Variants in PRMT3 observed in about 807,000 individuals in gnomAD.
PRMT3 encodes the protein protein arginine N-methyltransferase 3.
In PRMT3, 62 loss-of-function variants were observed where a neutral mutation model predicts 71.9. The ratio of observed to expected loss-of-function variants is 0.86; its 90% confidence interval spans 0.70 to 1.07. The LOEUF is 1.07. PRMT3 is among the 50% of genes least tolerant of loss of function. PRMT3 has a pLI of 0.00. For missense variants in PRMT3, 663 were observed against 643.0 expected (o/e 1.03, Z -0.34); for synonymous variants, 213 against 220.4 (o/e 0.97, Z 0.30).
At chr11:20,414,295 C>T (rs778260461) in intron 9 of PRMT3, among the ~76,000 whole-genome samples, 1 of 152,108 alleles carries the variant, frequency 6.6e-6, no homozygotes, top group Non-Finnish European at 1.5e-5. Context: ...TTGGTTGTTA[C>T]TGTAAACTGA....
chr11:20,452,080 T>TGA, intron 10 of PRMT3, 50 bp from the exon 11 acceptor site: 1 of 1,336,810 alleles, frequency 7.5e-7, no homozygotes, highest in Non-Finnish European at 1.1e-6. Flanking sequence ...GACCTGCTTA[T>TGA]GAGAGTATTG....
intron 11 of PRMT3, among the ~76,000 whole-genome samples, chr11:20,456,132 G>T (rs1243345785): frequency 1.3e-5 from 2 of 152,134 alleles, no homozygotes; most frequent in African/African-American, 4.8e-5. Flanking sequence ...TTCAATTTCT[G>T]TCACAACAGA....
chr11:20,505,550 TTC>T (rs1293946781), intron 15 of PRMT3, among the ~76,000 whole-genome samples: 1 of 152,232 alleles, frequency 6.6e-6, no homozygotes, highest in Non-Finnish European at 1.5e-5. Flanking sequence ...GCAATTACTA[TTC>T]TCTGTCATGT....
chr11:20,391,049 CAAA>C (rs57575758), intron 3 of PRMT3, among the ~76,000 whole-genome samples: 2 of 144,448 alleles, frequency 1.4e-5, no homozygotes, highest in Non-Finnish European at 1.5e-5. Context: ...GACGCCGTCT[CAAA>C]AAAAAAAAAA....
At chr11:20,455,354 G>C (rs1450539808) in intron 11 of PRMT3, among the ~76,000 whole-genome samples, 2 of 152,042 alleles carry the variant, frequency 1.3e-5, no homozygotes, top group African/African-American at 4.8e-5. Flanking sequence ...TAAAGCTGAT[G>C]GATCAAGTAG....
intron 2 of PRMT3, 89 bp from the exon 3 acceptor site, chr11:20,389,653 TAA>T (rs56308542): frequency 9.7e-4 from 639 of 661,574 alleles, no homozygotes; most frequent in East Asian, 5.1e-3. Flanking sequence ...CCAGCAGAGT[TAA>T]AAAAAAAAAA....
intron 13 of PRMT3, among the ~76,000 whole-genome samples, chr11:20,477,077 G>C (rs1042575926): frequency 6.6e-5 from 10 of 152,180 alleles, no homozygotes; most frequent in African/African-American, 2.4e-4. Context: ...TTCTTGGGAA[G>C]ACCATCAAAA....
chr11:20,469,076 TCTTA>T (rs775894007), intron 13 of PRMT3, among the ~76,000 whole-genome samples: 2 of 152,234 alleles, frequency 1.3e-5, no homozygotes, highest in Admixed American at 6.5e-5. Context: ...TCTGAGCATT[TCTTA>T]CTTTAGGATA....
Position 20,469,346 on chromosome 11 carries a change from A to C in PRMT3, c.1347+4800A>C, listed in dbSNP as rs531703621. 2.0e-5 allele frequency among the ~76,000 whole-genome samples: 3 copies of C among 152,376 alleles called. No individual in the cohort carries two copies. The East Asian group carries it at 5.8e-4, about 29-fold the overall frequency. On this transcript the variant is annotated intron_variant, in intron 13 of 15. Transcript: ENST00000331079. ...TTTGTGTAATATTCGCTTACTCTGT[A>C]TGCCAAGTGGCATTTATATTTTCAT... is the stretch of plus-strand genomic sequence containing the variant.
At chr11:20,467,867 A>T (rs768358680) in intron 13 of PRMT3, among the ~76,000 whole-genome samples, 2 of 152,138 alleles carry the variant, frequency 1.3e-5, no homozygotes, top group Non-Finnish European at 2.9e-5. Flanking sequence ...TTATTTGTGA[A>T]TCTTAACTAT....
chr11:20,501,378 TTGGG>T (rs1851454619), intron 15 of PRMT3, among the ~76,000 whole-genome samples: 1 of 152,144 alleles, frequency 6.6e-6, no homozygotes, highest in African/African-American at 2.4e-5. Context: ...CTCCATCACC[TTGGG>T]TAACACTATG....
rs1849560683 is a variant in PRMT3, at chr11:20,426,969, T to C, written c.993+104T>C. 2.1e-6 allele frequency: 3 copies of C among 1,397,032 alleles called. No homozygotes were observed. The African/African-American group carries it at 4.6e-5, about 21-fold the overall frequency. The allele number at this position is 1,397,032 out of a possible 1,614,324, so 86.5% of individuals were successfully genotyped here. A position where few individuals can be genotyped will look rare whatever the true frequency, so the allele number is the denominator to read the frequency against. On this transcript the variant is annotated intron_variant, in intron 10 of 15. Transcript: ENST00000331079. ...TTATATTTGATACATGGCAGAATGG[T>C]GACATTATTTTTTAAGTAGCTACAT...
At chr11:20,483,273 A>T (rs1850986763) in intron 13 of PRMT3, among the ~76,000 whole-genome samples, 1 of 152,122 alleles carries the variant, frequency 6.6e-6, no homozygotes, top group African/African-American at 2.4e-5. Flanking sequence ...AATTCAGTGT[A>T]TCTGTTTTGT....
chr11:20,403,272 CAT>C (rs1042191237), intron 8 of PRMT3, among the ~76,000 whole-genome samples: 5 of 152,018 alleles, frequency 3.3e-5, no homozygotes, highest in Non-Finnish European at 7.4e-5. Flanking sequence ...TTGCTTAAAC[CAT>C]ATTTTTTGTT....
intron 12 of PRMT3, among the ~76,000 whole-genome samples, chr11:20,462,590 T>G (rs1309544739): frequency 6.6e-6 from 1 of 152,210 alleles, no homozygotes; most frequent in African/African-American, 2.4e-5. Flanking sequence ...CTTCCAGCGT[T>G]TTCAGATTAA....
intron 15 of PRMT3, among the ~76,000 whole-genome samples, chr11:20,507,504 A>C (rs1247345776): frequency 1.3e-5 from 2 of 152,362 alleles, no homozygotes; most frequent in East Asian, 3.9e-4. Flanking sequence ...GGCTGGGCGC[A>C]GTGGCTTACG....
intron 3 of PRMT3, among the ~76,000 whole-genome samples, chr11:20,390,850 A>G (rs1474919546): frequency 6.6e-6 from 1 of 152,198 alleles, no homozygotes; most frequent in African/African-American, 2.4e-5. Context: ...GGAGATCGAG[A>G]CCATCCTGGC....
chr11:20,399,366 A>G (rs1848899579), intron 7 of PRMT3, among the ~76,000 whole-genome samples: 1 of 152,174 alleles, frequency 6.6e-6, no homozygotes, highest in Non-Finnish European at 1.5e-5. Context: ...TTGTCATGTC[A>G]TTACTAATTG....
At chr11:20,469,769 TATC>T (rs1399137475) in intron 13 of PRMT3, among the ~76,000 whole-genome samples, 1 of 152,206 alleles carries the variant, frequency 6.6e-6, no homozygotes, top group Non-Finnish European at 1.5e-5. Context: ...TTATTTGATA[TATC>T]ATCTCTTAAT....
Sources: allele counts gnomAD v4.1 joint callset (sites outside exome capture counted in the v4.1 genomes callset), GRCh38; gene constraint gnomAD v4.1.1; transcripts MANE v1.5; gene names NCBI Gene and HGNC (gene_info 2026-07-23, HGNC 2026-07-21).